CNKSR2: variants seen among roughly 807,000 people sequenced by gnomAD.
CNKSR2 encodes the protein CNK homolog protein 2.
CNKSR2 carries 14 observed loss-of-function variants against 84.4 expected under a neutral mutation model. That is an observed-to-expected ratio of 0.17 (90% CI 0.11 to 0.26). CNKSR2 has a LOEUF of 0.26. Ranked by LOEUF, CNKSR2 falls within the 10% of genes least tolerant of loss-of-function variation. The pLI is 1.00. For missense variants in CNKSR2, 485 were observed against 771.2 expected (o/e 0.63, Z 4.40); for synonymous variants, 275 against 277.9 (o/e 0.99, Z 0.10).
chrX:21,450,370 CA>C (rs2090912045), intron 4 of CNKSR2, among the ~76,000 whole-genome samples: 1 of 111,489 alleles, frequency 9.0e-6, no homozygotes, highest in Non-Finnish European at 1.9e-5. Context: ...TTGTCATCAT[CA>C]ATGATCTAAA....
chrX:21,591,681 T>C (rs2092421478), intron 15 of CNKSR2: 1 of 110,488 alleles, frequency 9.1e-6, no homozygotes, highest in Non-Finnish European at 1.9e-5. Flanking sequence ...TTTGAAAATC[T>C]GCAAGTATTC....
chrX:21,394,319 T>C (rs963007034), intron 1 of CNKSR2, among the ~76,000 whole-genome samples: 1 of 111,803 alleles, frequency 8.9e-6, no homozygotes, highest in African/African-American at 3.2e-5. Context: ...TGATATGGCA[T>C]GAAAATAAGA....
intron 20 of CNKSR2, 23 bp from the exon 21 acceptor site, chrX:21,648,794 CTTTTTTTTTTTTTT>C (rs33962399): frequency 9.5e-5 from 30 of 316,238 alleles, no homozygotes; most frequent in Non-Finnish European, 1.4e-4. Context: ...CTCTCTCTTT[CTTTTTTTTTTTTTT>C]TTTTTTTTTT....
intron 2 of CNKSR2, among the ~76,000 whole-genome samples, chrX:21,430,802 T>C (rs1291263686): frequency 4.5e-5 from 5 of 111,890 alleles, no homozygotes; most frequent in African/African-American, 1.6e-4. Context: ...TCTTTCATAC[T>C]GTAGTGACCG....
intron 6 of CNKSR2, chrX:21,492,277 T>C (rs1224818754): frequency 9.0e-6 from 1 of 111,606 alleles, no homozygotes; most frequent in African/African-American, 3.3e-5. Context: ...ATTGTTTTCA[T>C]TTGAAAGAGG....
At position 21,458,301 on chromosome X, in the gene CNKSR2, T is replaced by C. The variant is rs1015764960; in HGVS notation, c.520-12465T>C. On this transcript the variant is annotated intron_variant, in intron 4 of 21. Transcript: ENST00000379510. ...CACGTGTTTCTAATGGTTATCAAAT[T>C]GAACAGAATAGACAAAGAACATTTT... Among the ~76,000 whole-genome samples, 5 of 112,766 alleles carry C rather than the reference T, an allele frequency of 4.4e-5. No homozygotes were observed. The South Asian group carries it at 1.8e-3, about 41-fold the overall frequency.
chrX:21,647,951 G>T (rs1315757859), intron 20 of CNKSR2, among the ~76,000 whole-genome samples: 1 of 111,436 alleles, frequency 9.0e-6, no homozygotes, highest in African/African-American at 3.3e-5. Flanking sequence ...TCATTGTTGA[G>T]AAAGATACGA....
rs768902028 is a variant in CNKSR2 at position 21,521,873 on chromosome X, T to G, written c.958-4994T>G. Among the ~76,000 whole-genome samples the G allele has an allele frequency of 5.4e-5, 6 of 110,898 alleles. No homozygotes were observed. The East Asian group carries it at 1.7e-3, about 31-fold the overall frequency. On this transcript the variant is annotated intron_variant, in intron 9 of 21. Transcript: ENST00000379510. Reference sequence around the variant, plus strand: ...AACCTTTTGTATTTATAAATTTGCATTCTAGAAAAAGCTGTGAAAGAACTG... The same window carrying G: ...AACCTTTTGTATTTATAAATTTGCAGTCTAGAAAAAGCTGTGAAAGAACTG...
intron 11 of CNKSR2, among the ~76,000 whole-genome samples, chrX:21,557,406 A>G (rs1164523832): frequency 9.0e-6 from 1 of 111,233 alleles, no homozygotes; most frequent in African/African-American, 3.3e-5. Flanking sequence ...TCCAAAAAAT[A>G]GTTATCTTTT....
chrX:21,404,560 G>A (rs767528689), intron 1 of CNKSR2, among the ~76,000 whole-genome samples: 63 of 109,417 alleles, frequency 5.8e-4, no homozygotes, highest in African/African-American at 1.8e-3. Context: ...AGGCTGAGGC[G>A]GGCGGATCAT....
At chrX:21,595,705 G>A (rs1272211033) in intron 17 of CNKSR2, among the ~76,000 whole-genome samples, 1 of 111,731 alleles carries the variant, frequency 9.0e-6, no homozygotes, top group Non-Finnish European at 1.9e-5. Context: ...CCAGATGGGG[G>A]AAAAAGAGAT....
At position 21,613,301 on chromosome X, in the gene CNKSR2, G is replaced by A. The variant is rs748708636; in HGVS notation, c.2692+3684G>A. On this transcript the variant is annotated intron_variant, in intron 20 of 21. Coordinates refer to ENST00000379510, the MANE Select transcript of CNKSR2 (RefSeq NM_014927.5). ...TTAGAAAATCTCGCTTTCCTTTGCCGTATGTACTAGCCAATTCAGATGAGG... is the reference window on the plus strand; with the variant it reads ...TTAGAAAATCTCGCTTTCCTTTGCCATATGTACTAGCCAATTCAGATGAGG... 5.4e-5 allele frequency among the ~76,000 whole-genome samples: 6 copies of A among 112,017 alleles called. No homozygotes were observed. In the South Asian group the frequency reaches 1.1e-3, roughly 21 times the overall value.
At chrX:21,511,242 G>A (rs920096469) in intron 8 of CNKSR2, among the ~76,000 whole-genome samples, 24 of 111,245 alleles carry the variant, frequency 2.2e-4, no homozygotes, top group African/African-American at 7.5e-4. Context: ...TAAGGAGAAA[G>A]TTTATTTGAA....
chrX:21,609,791 A>C (rs2092540494), intron 20 of CNKSR2, among the ~76,000 whole-genome samples, 174 bp downstream of exon 20: 1 of 111,697 alleles, frequency 9.0e-6, no homozygotes. Flanking sequence ...GTAACTTGGG[A>C]AAACATGATG....
At chrX:21,635,892 A>G (rs747014543) in intron 20 of CNKSR2, among the ~76,000 whole-genome samples, 3 of 111,139 alleles carry the variant, frequency 2.7e-5, no homozygotes, top group South Asian at 7.6e-4. Context: ...GTGATGGACA[A>G]ATTAAATAGC....
chrX:21,576,355 A>AAGC (rs1174293801), intron 13 of CNKSR2, among the ~76,000 whole-genome samples: 3 of 112,019 alleles, frequency 2.7e-5, no homozygotes, highest in Non-Finnish European at 5.6e-5. Context: ...AAGGAAAATG[A>AAGC]AGCTGAGTGA....
chrX:21,650,567 A>T (rs1377461588), intron 21 of CNKSR2, among the ~76,000 whole-genome samples: 1 of 110,885 alleles, frequency 9.0e-6, no homozygotes, highest in Non-Finnish European at 1.9e-5. Flanking sequence ...CCAGACTTAA[A>T]GTATAATTAA....
At chrX:21,375,072 G>T in intron 1 of CNKSR2, 111 bp downstream of exon 1, 1 of 663,696 alleles carries the variant, frequency 1.5e-6, no homozygotes, top group African/African-American at 2.1e-5. Context: ...TTCCACTGGC[G>T]GATCGTCGTA....
At chrX:21,529,682 A>G (rs1389991498) in intron 10 of CNKSR2, among the ~76,000 whole-genome samples, 2 of 110,261 alleles carry the variant, frequency 1.8e-5, no homozygotes, top group Admixed American at 9.7e-5. Flanking sequence ...ATACATTAAC[A>G]CACACACACA....
Sources: gnomAD v4.1 joint callset for allele counts (sites outside exome capture counted in the v4.1 genomes callset) on GRCh38, gnomAD v4.1.1 for gene constraint, MANE v1.5 for transcripts, NCBI Gene and HGNC (gene_info 2026-07-23, HGNC 2026-07-21) for gene names.